The following KDR variants were observed in gnomAD, a reference collection of about 807,000 sequenced individuals.
KDR encodes the protein vascular endothelial growth factor receptor 2.
KDR carries 43 observed loss-of-function variants against 160.9 expected under a neutral mutation model. The observed-to-expected ratio is 0.27, with a 90% CI of 0.21 to 0.34. The LOEUF (loss-of-function observed/expected upper bound fraction) is 0.34. KDR is among the 10% of genes least tolerant of loss of function. The probability of loss-of-function intolerance (pLI) is 1.00; values close to 1 mark genes in which losing one functional copy is unlikely to be tolerated. For missense variants in KDR, 1,469 were observed against 1,666.4 expected, an observed-to-expected ratio of 0.88 and a Z score of 2.06; for synonymous variants, 617 against 600.1, an observed-to-expected ratio of 1.03 and a Z score of -0.41.
chr4:55,102,278 T>C, intron 14 of KDR, 84 bp downstream of exon 14: 1 of 1,499,850 alleles, frequency 6.7e-7, no homozygotes, highest in Admixed American at 1.7e-5. Context: ...TTTTTCTACA[T>C]TACATCAAGA....
rs910537152 is a variant in KDR, at chr4:55,125,416, C to G, written c.-123G>C. 1.6e-5 allele frequency: 21 copies of G among 1,280,128 alleles called. No homozygotes were observed. The Admixed American group carries it at 2.6e-4, about 16-fold the overall frequency. The allele number at this position is 1,280,128 out of a possible 1,614,324, so 79.3% of individuals were successfully genotyped here. ...CACCCCGCAGCGCAGGACAGTTGAG[C>G]GCACAGGGCTAGGGAGCCCGGGCGC... On this transcript the variant is annotated 5_prime_UTR_variant, in exon 1 of 30. Transcript: ENST00000263923.
intron 9 of KDR, among the ~76,000 whole-genome samples, chr4:55,109,188 T>C (rs1720514460): frequency 6.6e-6 from 1 of 152,086 alleles, no homozygotes; most frequent in South Asian, 2.1e-4. Flanking sequence ...GTTCAAGTGA[T>C]TCTCCTGCCT....
chr4:55,117,667 GA>G, intron 3 of KDR, among the ~76,000 whole-genome samples: 1 of 152,124 alleles, frequency 6.6e-6, no homozygotes. Context: ...CTGCTTCTGG[GA>G]AAAAAGTCTA....
At chr4:55,092,911 C>T (rs1720055433) in intron 21 of KDR, among the ~76,000 whole-genome samples, 197 bp from the exon 22 acceptor site, 1 of 152,186 alleles carries the variant, frequency 6.6e-6, no homozygotes, top group Admixed American at 6.5e-5. Flanking sequence ...CCCTTAGGAA[C>T]AATACTGGTT....
Position 55,079,137 on chromosome 4 carries a change from T to C in KDR, c.*804A>G. ...GCAGGGAGCCTTGAGCTGAATGTCC[T>C]TTCTTTGTGGTATTCTGAATAAAGG... is the stretch of plus-strand genomic sequence containing the variant. On this transcript the variant is annotated 3_prime_UTR_variant, in exon 30 of 30. Coordinates refer to ENST00000263923, the MANE Select transcript of KDR (RefSeq NM_002253.4). 4.3e-6 allele frequency: 1 copy of C among 233,380 alleles called. No homozygotes were observed. Among genetic ancestry groups the C allele is most frequent in the African/African-American group, 2.2e-5 (1 of 45,456 alleles). 14.5% of individuals were successfully genotyped at this position (233,380 alleles called of 1,614,324 possible).
intron 2 of KDR, among the ~76,000 whole-genome samples, chr4:55,119,330 C>T (rs1216322779): frequency 6.6e-6 from 1 of 152,130 alleles, no homozygotes; most frequent in Non-Finnish European, 1.5e-5. Context: ...TGCATTCTTT[C>T]TTTCAACAAA....
intron 1 of KDR, among the ~76,000 whole-genome samples, chr4:55,124,265 A>C (rs1247967283): frequency 6.6e-6 from 1 of 151,928 alleles, no homozygotes; most frequent in Non-Finnish European, 1.5e-5. Flanking sequence ...CACCCTGCAA[A>C]GGGTGGAAAT....
At chr4:55,088,634 A>G (rs1029605630) in intron 26 of KDR, among the ~76,000 whole-genome samples, 1 of 152,224 alleles carries the variant, frequency 6.6e-6, no homozygotes, top group African/African-American at 2.4e-5. Flanking sequence ...TAACAAAAAG[A>G]TAAGTAGGTA....
In KDR at chr4:55,107,673, A is replaced by G. The variant is rs888229031; in HGVS notation, c.1412+64T>C. On this transcript the variant is annotated intron_variant, in intron 10 of 29. Coordinates refer to ENST00000263923, the MANE Select transcript of KDR (RefSeq NM_002253.4). ...GCTTCTCCATTTAGGATGGAGTCAT[A>G]TCATAGCTCAGCTGTAAGAAATGCA... The G allele has an allele frequency of 6.2e-6, 10 of 1,606,040 alleles. No individual in the cohort carries two copies. The African/African-American group carries it at 1.1e-4, about 17-fold the overall frequency.
intron 27 of KDR, among the ~76,000 whole-genome samples, chr4:55,084,058 G>A (rs1719801058): frequency 1.3e-5 from 2 of 152,192 alleles, no homozygotes; most frequent in African/African-American, 4.8e-5. Flanking sequence ...CTCATGATGT[G>A]TTCACCACGG....
In KDR at chr4:55,125,518, C is replaced by A. The variant is rs544675796; in HGVS notation, c.-225G>T. The A allele has an allele frequency of 3.3e-6, 2 of 608,320 alleles. No individual in the cohort carries two copies. The highest frequency in any genetic ancestry group is 1.8e-5 in the African/African-American group (1 of 54,070). The allele number at this position is 608,320 out of a possible 1,614,324, so 37.7% of individuals were successfully genotyped here. On this transcript the variant is annotated 5_prime_UTR_variant, in exon 1 of 30. Transcript: ENST00000263923. ...GCTGCCAGACGGACTTTCTGCGGCG[C>A]GCAAGTGATGCCCGGCGCAGGCAGA...
At chr4:55,083,372 C>T (rs1292551544) in intron 27 of KDR, among the ~76,000 whole-genome samples, 1 of 152,184 alleles carries the variant, frequency 6.6e-6, no homozygotes, top group Non-Finnish European at 1.5e-5. Flanking sequence ...GTAGCACTCC[C>T]TCCCCAGCTC....
At chr4:55,104,363 T>C (rs1720383533) in intron 13 of KDR, among the ~76,000 whole-genome samples, 1 of 152,300 alleles carries the variant, frequency 6.6e-6, no homozygotes, top group African/African-American at 2.4e-5. Flanking sequence ...TTTAAATAAA[T>C]GGATGCCCAA....
At chr4:55,080,246 A>AT (rs1719698517) in intron 29 of KDR, 83 bp from the exon 30 acceptor site, 1 of 1,221,528 alleles carries the variant, frequency 8.2e-7, no homozygotes, top group Admixed American at 1.8e-5. Context: ...TCCCAACTCC[A>AT]TATGGCTGCC....
At chr4:55,105,373 A>G (rs1316999104) in intron 12 of KDR, among the ~76,000 whole-genome samples, 2 of 152,238 alleles carry the variant, frequency 1.3e-5, no homozygotes, top group African/African-American at 4.8e-5. Flanking sequence ...ATAATATTCC[A>G]TTCAGCACAA....
In KDR at chr4:55,125,241, C is replaced by T; in HGVS notation, c.53G>A (p.Arg18Gln). Residue 18 changes from arginine to glutamine, a missense_variant, in exon 1 of 30, where the codon CGG (arginine) becomes CAG (glutamine). Around this residue, in one of 7 missense-constraint regions of KDR, gnomAD observed 792 missense variants for 840.9 expected, o/e 0.94. Transcript: ENST00000263923. ...AVALWLCVET[R>Q]AASVGLPSVS... ...GGGCTCCTTACCCACAGAGGCGGCCCGGGTCTCCACGCAGAGCCACAGGGC... is the reference window on the plus strand; with the variant it reads ...GGGCTCCTTACCCACAGAGGCGGCCTGGGTCTCCACGCAGAGCCACAGGGC... 1.2e-6 allele frequency: 2 copies of T among 1,612,764 alleles called. No homozygotes were observed. The highest frequency in any genetic ancestry group is 2.2e-5 in the East Asian group (1 of 44,842).
intron 27 of KDR, 56 bp from the exon 28 acceptor site, chr4:55,082,691 C>T (rs2110006119): frequency 7.7e-7 from 1 of 1,305,012 alleles, no homozygotes; most frequent in Non-Finnish European, 1.1e-6. Flanking sequence ...TGCAGATCGG[C>T]TACCTAAGTT....
intron 25 of KDR, 78 bp downstream of exon 25, chr4:55,089,296 A>G (rs1383710799): frequency 2.0e-5 from 20 of 1,015,906 alleles, no homozygotes; most frequent in Admixed American, 7.4e-5. Context: ...AAGAAGGTCT[A>G]TATAATGGAA....
intron 15 of KDR, 149 bp from the exon 16 acceptor site, chr4:55,098,952 T>C: frequency 2.0e-6 from 1 of 500,912 alleles, no homozygotes. Context: ...GTAACTTGAA[T>C]GGAGTCTACA....
Sources: allele counts gnomAD v4.1 joint callset (sites outside exome capture counted in the v4.1 genomes callset), GRCh38; gene constraint gnomAD v4.1.1; regional missense constraint gnomAD v4.1.1; transcripts MANE v1.5; gene names NCBI Gene and HGNC (gene_info 2026-07-23, HGNC 2026-07-21).